CDH3: variants seen among roughly 807,000 people sequenced by gnomAD.
CDH3 encodes cadherin-3.
A neutral mutation model predicts 82.0 loss-of-function variants in CDH3; 54 were observed. The observed-to-expected ratio is 0.66, with a 90% CI of 0.53 to 0.83. The LOEUF (loss-of-function observed/expected upper bound fraction) is 0.83. Ranked by LOEUF, CDH3 falls within the 40% of genes least tolerant of loss-of-function variation. The pLI is 0.00. For synonymous variants in CDH3, 446 were observed against 437.9 expected, an observed-to-expected ratio of 1.02 and a Z score of -0.23; for missense variants, 1,054 against 1,084.6, an observed-to-expected ratio of 0.97 and a Z score of 0.40.
At chr16:68,670,405 A>C (rs1034951734) in intron 2 of CDH3, among the ~76,000 whole-genome samples, 4 of 151,884 alleles carry the variant, frequency 2.6e-5, no homozygotes, top group Non-Finnish European at 4.4e-5. Context: ...TAGTTTCCTC[A>C]TGTGGTAAAT....
At chr16:68,709,734 C>A (rs922004027) in intron 1 of CDH3, among the ~76,000 whole-genome samples, 1 of 152,208 alleles carries the variant, frequency 6.6e-6, no homozygotes, top group Non-Finnish European at 1.5e-5. Context: ...CGTGAGCCAC[C>A]GCGCCTGGCC....
chr16:68,666,449 CA>C (rs1212251553), intron 2 of CDH3, among the ~76,000 whole-genome samples: 1 of 152,118 alleles, frequency 6.6e-6, no homozygotes, highest in Non-Finnish European at 1.5e-5. Flanking sequence ...CCAGCATGCC[CA>C]GGGGTGGGTC....
At chr16:68,696,207 T>A in intron 15 of CDH3, 1 of 417,454 alleles carries the variant, frequency 2.4e-6, no homozygotes, top group Non-Finnish European at 4.5e-6. Flanking sequence ...AATCATGAGG[T>A]CAGGAGTTCA....
At chr16:68,688,178 T>A (rs1486040223) in intron 12 of CDH3, among the ~76,000 whole-genome samples, 1 of 151,204 alleles carries the variant, frequency 6.6e-6, no homozygotes, top group Non-Finnish European at 1.5e-5. Context: ...AGGGGTCCTG[T>A]GGAATTCCAA....
At chr16:68,664,745 A>G (rs1165134856) in intron 2 of CDH3, among the ~76,000 whole-genome samples, 1 of 151,858 alleles carries the variant, frequency 6.6e-6, no homozygotes, top group African/African-American at 2.4e-5. Context: ...TGCAGCCTTG[A>G]TCTCCCAGGC....
Position 68,680,991 on chromosome 16 carries a change from C to T in CDH3, c.891C>T (p.Thr297=). The T allele has an allele frequency of 6.2e-7, 1 of 1,614,118 alleles. No homozygotes were observed. Among genetic ancestry groups the T allele is most frequent in the Non-Finnish European group, 8.5e-7 (1 of 1,180,020 alleles). Residue 297 remains threonine, a synonymous_variant, in exon 8 of 16, where the codon ACC becomes ACT. Transcript: ENST00000264012. ...AGAAAGTCCCTGAGTACACACTGAC[C>T]ATCCAGGCCACAGACATGGATGGGG... ...DREKVPEYTL[T]IQATDMDGDG...
chr16:68,724,225 ACT>A (rs959570632), intron 2 of CDH3, among the ~76,000 whole-genome samples: 11 of 151,902 alleles, frequency 7.2e-5, no homozygotes, highest in African/African-American at 2.2e-4. Flanking sequence ...ACAGAGCAAG[ACT>A]CTGTCTCAAA....
intron 2 of CDH3, among the ~76,000 whole-genome samples, chr16:68,658,281 C>A (rs570919670): frequency 6.6e-6 from 1 of 152,060 alleles, no homozygotes; most frequent in East Asian, 1.9e-4. Flanking sequence ...TTCAGACTCT[C>A]GTTAAACCCA....
chr16:68,722,347 G>A (rs1346093720), intron 1 of CDH3: 1 of 152,192 alleles, frequency 6.6e-6, no homozygotes, highest in Non-Finnish European at 1.5e-5. Context: ...AGTTACTCTG[G>A]AGAATTATAG....
chr16:68,713,041 T>C (rs1962049594), intron 1 of CDH3, among the ~76,000 whole-genome samples: 1 of 152,108 alleles, frequency 6.6e-6, no homozygotes, highest in Non-Finnish European at 1.5e-5. Context: ...CTTTCTGATC[T>C]GTCTCCCCTC....
chr16:68,711,881 TG>T (rs1342868180), intron 1 of CDH3, among the ~76,000 whole-genome samples: 1 of 152,054 alleles, frequency 6.6e-6, no homozygotes, highest in African/African-American at 2.4e-5. Context: ...CTGTCTACTC[TG>T]GGTGCAGCCC....
chr16:68,672,444 T>C (rs144204613), intron 2 of CDH3, among the ~76,000 whole-genome samples: 92 of 152,288 alleles, frequency 6.0e-4, no homozygotes, highest in Admixed American at 1.2e-3. Flanking sequence ...TTGCCCTATA[T>C]TGAAGATGAT....
At chr16:68,730,118 A>G (rs1052628174), downstream of CDH3, among the ~76,000 whole-genome samples, 1 of 152,064 alleles carries the variant, frequency 6.6e-6, no homozygotes, top group Non-Finnish European at 1.5e-5. Context: ...CTGTAATCCC[A>G]GCTACTCAGG....
chr16:68,717,883 T>A (rs1430249390), intron 1 of CDH3, among the ~76,000 whole-genome samples: 5 of 152,160 alleles, frequency 3.3e-5, no homozygotes, highest in Non-Finnish European at 5.9e-5. Context: ...CCCCATGAGT[T>A]AAAGCAGCAC....
chr16:68,716,636 A>AG lies in CDH3; in HGVS notation c.100-5789_100-5788insG, dbSNP rs1050526460. On this transcript the variant is annotated intron_variant, in intron 1 of 2. Transcript: ENST00000569080. ...ACTCCGGCTCAAAAAAAAAAAAAAAAAAAGAAAAGAAAAAAACTGATAACA... is the reference window on the plus strand; with the variant it reads ...ACTCCGGCTCAAAAAAAAAAAAAAAAGAAAGAAAAGAAAAAAACTGATAACA... Among the ~76,000 whole-genome samples, 9 of 149,226 alleles carry AG rather than the reference A, an allele frequency of 6.0e-5. No individual in the cohort carries two copies. The East Asian group carries it at 9.7e-4, about 16-fold the overall frequency.
chr16:68,645,609 T>G (rs1308121359), intron 1 of CDH3, 27 bp from the exon 2 acceptor site: 35 of 1,527,104 alleles, frequency 2.3e-5, no homozygotes, highest in Non-Finnish European at 3.0e-5. Flanking sequence ...GGACCCAGCC[T>G]CCTTCACTCT....
chr16:68,719,194 G>C (rs1015729297), intron 1 of CDH3, among the ~76,000 whole-genome samples: 2 of 150,294 alleles, frequency 1.3e-5, no homozygotes, highest in South Asian at 2.1e-4. Flanking sequence ...AGTGAGTGGA[G>C]ATTGTGCCAT....
At chr16:68,662,544 CTTTT>C (rs34173111) in intron 2 of CDH3, among the ~76,000 whole-genome samples, 35 of 94,044 alleles carry the variant, frequency 3.7e-4, no homozygotes, top group South Asian at 1.1e-3. Context: ...TGAAGCCAGC[CTTTT>C]TTTTTTTTTT....
At chr16:68,721,511 G>A (rs1321843152) in intron 1 of CDH3, among the ~76,000 whole-genome samples, 3 of 152,084 alleles carry the variant, frequency 2.0e-5, no homozygotes, top group Non-Finnish European at 4.4e-5. Flanking sequence ...TGGGATTAAA[G>A]GCATGAGCCA....
Sources: gnomAD v4.1 joint callset for allele counts (sites outside exome capture counted in the v4.1 genomes callset) on GRCh38, gnomAD v4.1.1 for gene constraint, MANE v1.5 for transcripts, NCBI Gene and HGNC (gene_info 2026-07-23, HGNC 2026-07-21) for gene names.